CEP128: variants seen among roughly 807,000 people sequenced by gnomAD.
CEP128 encodes the protein centrosomal protein 128, also known as centrosomal protein 128kDa.
A neutral mutation model predicts 156.7 loss-of-function variants in CEP128; 132 were observed. The observed-to-expected ratio is 0.84, with a 90% CI of 0.73 to 0.97. The LOEUF is 0.97. CEP128 is among the 50% of genes least tolerant of loss of function. The pLI, the probability that CEP128 is intolerant of heterozygous loss-of-function variation, is 0.00. For synonymous variants in CEP128, 469 were observed against 448.9 expected (o/e 1.04, Z -0.57); for missense variants, 1,252 against 1,281.9 (o/e 0.98, Z 0.36).
chr14:80,671,369 A>G (rs1301604833), intron 19 of CEP128, among the ~76,000 whole-genome samples: 1 of 152,198 alleles, frequency 6.6e-6, no homozygotes, highest in South Asian at 2.1e-4. Context: ...TAGGTAAGAT[A>G]CTAGTGGTGT....
chr14:80,489,567 C>T (rs1479821277), downstream of CEP128, among the ~76,000 whole-genome samples: 1 of 152,054 alleles, frequency 6.6e-6, no homozygotes, highest in Admixed American at 6.6e-5. Flanking sequence ...ATCTTCATAC[C>T]CTATTGCCTC....
At chr14:80,728,746 G>A (rs896296740) in intron 19 of CEP128, among the ~76,000 whole-genome samples, 4 of 152,078 alleles carry the variant, frequency 2.6e-5, no homozygotes, top group African/African-American at 4.8e-5. Flanking sequence ...TCTGGATTAA[G>A]AGAAGGACCA....
chr14:80,840,656 T>C (rs1055256928), intron 10 of CEP128, 26 bp downstream of exon 10: 2 of 1,474,206 alleles, frequency 1.4e-6, no homozygotes, highest in Admixed American at 1.7e-5. Flanking sequence ...ACTTTATTCT[T>C]TGAAAGATAA....
chr14:80,693,222 T>C (rs1460214518), intron 19 of CEP128, among the ~76,000 whole-genome samples: 1 of 152,190 alleles, frequency 6.6e-6, no homozygotes, highest in Non-Finnish European at 1.5e-5. Flanking sequence ...AGGATATTTA[T>C]CAGTTTCAAC....
intron 2 of CEP128, among the ~76,000 whole-genome samples, chr14:80,937,003 A>C (rs1885844098): frequency 6.6e-6 from 1 of 152,084 alleles, no homozygotes; most frequent in Non-Finnish European, 1.5e-5. Context: ...TCTGGAGAAC[A>C]ACCTGGCAAT....
At chr14:80,701,284 G>A (rs1434561793) in intron 19 of CEP128, among the ~76,000 whole-genome samples, 1 of 152,120 alleles carries the variant, frequency 6.6e-6, no homozygotes, top group Non-Finnish European at 1.5e-5. Flanking sequence ...TACCGGAGAG[G>A]CTGCCGTAAC....
chr14:80,599,036 T>G (rs1409766387), intron 19 of CEP128, among the ~76,000 whole-genome samples: 1 of 152,168 alleles, frequency 6.6e-6, no homozygotes, highest in African/African-American at 2.4e-5. Context: ...GGAGAATAGG[T>G]AAAATGATCT....
intron 13 of CEP128, 57 bp from the exon 14 acceptor site, chr14:80,793,167 A>G: frequency 7.6e-7 from 1 of 1,324,176 alleles, no homozygotes; most frequent in Non-Finnish European, 1.1e-6. Flanking sequence ...TTGGATGTGT[A>G]GCATATCATC....
chr14:80,642,234 A>G (rs1358239064), intron 19 of CEP128, among the ~76,000 whole-genome samples: 2 of 152,222 alleles, frequency 1.3e-5, no homozygotes. Flanking sequence ...GGAGACACGT[A>G]GAAACACCTC....
At chr14:80,921,150 C>G (rs1398615517) in intron 2 of CEP128, among the ~76,000 whole-genome samples, 2 of 152,126 alleles carry the variant, frequency 1.3e-5, no homozygotes, top group East Asian at 3.9e-4. Flanking sequence ...TAAATGTTAT[C>G]TGTATGTGTA....
intron 2 of CEP128, among the ~76,000 whole-genome samples, chr14:80,951,811 A>C (rs963425013): frequency 2.0e-5 from 3 of 152,096 alleles, no homozygotes; most frequent in Non-Finnish European, 4.4e-5. Flanking sequence ...AAAAAATCAT[A>C]CCATGATAAC....
At chr14:80,693,463 G>A (rs1896785251) in intron 19 of CEP128, among the ~76,000 whole-genome samples, 1 of 152,030 alleles carries the variant, frequency 6.6e-6, no homozygotes, top group Non-Finnish European at 1.5e-5. Context: ...GACATAGAGT[G>A]ATCTTTCAAA....
At chr14:80,820,378 A>T (rs887374416) in intron 13 of CEP128, among the ~76,000 whole-genome samples, 12 of 152,290 alleles carry the variant, frequency 7.9e-5, no homozygotes, top group African/African-American at 2.6e-4. Context: ...TCCCTAAAAC[A>T]TTTACTTTTG....
chr14:80,836,151 AC>A, intron 12 of CEP128, 53 bp downstream of exon 12: 1 of 1,567,472 alleles, frequency 6.4e-7, no homozygotes, highest in Non-Finnish European at 8.7e-7. Flanking sequence ...TCTAAGAAAA[AC>A]CAAAAAGCCC....
At chr14:80,502,752 G>A (rs999158234) in intron 24 of CEP128, among the ~76,000 whole-genome samples, 13 of 151,978 alleles carry the variant, frequency 8.6e-5, no homozygotes, top group African/African-American at 2.7e-4. Flanking sequence ...CTCATTTGCC[G>A]TAAGTTCTGT....
At chr14:80,601,046 G>A (rs527270134) in intron 19 of CEP128, among the ~76,000 whole-genome samples, 3 of 151,542 alleles carry the variant, frequency 2.0e-5, no homozygotes, top group African/African-American at 7.3e-5. Context: ...CAATCCTAGG[G>A]CAATCATTAA....
chr14:80,851,383 C>T (rs944995040), intron 9 of CEP128, among the ~76,000 whole-genome samples: 11 of 151,982 alleles, frequency 7.2e-5, no homozygotes, highest in East Asian at 1.9e-4. Flanking sequence ...CGAGGAGGAA[C>T]GGGAAAGTTT....
intron 13 of CEP128, among the ~76,000 whole-genome samples, chr14:80,800,000 T>C (rs911233547): frequency 5.9e-5 from 9 of 152,164 alleles, no homozygotes; most frequent in African/African-American, 2.2e-4. Context: ...TTATTAGTAG[T>C]TCTGCTTTTT....
chr14:80,715,962 T>C (rs1045157973), intron 19 of CEP128, among the ~76,000 whole-genome samples: 15 of 152,164 alleles, frequency 9.9e-5, no homozygotes, highest in African/African-American at 3.6e-4. Flanking sequence ...TTCTGTATCA[T>C]CATCAGTAAA....
Sources: allele counts gnomAD v4.1 joint callset (sites outside exome capture counted in the v4.1 genomes callset), GRCh38; gene constraint gnomAD v4.1.1; transcripts MANE v1.5; gene names NCBI Gene and HGNC (gene_info 2026-07-23, HGNC 2026-07-21).